STPG2: variants seen among roughly 807,000 people sequenced by gnomAD.
STPG2 encodes sperm tail PG-rich repeat containing 2.
Under a neutral mutation model 54.2 loss-of-function variants are expected in STPG2, and 56 were observed. The ratio of observed to expected loss-of-function variants is 1.03; its 90% CI spans 0.83 to 1.29. The LOEUF (loss-of-function observed/expected upper bound fraction) is 1.29. Among genes scored for constraint, STPG2 ranks in the 50% most tolerant of loss-of-function variants. The probability of loss-of-function intolerance (pLI) is 0.00; values close to 1 mark genes in which losing one functional copy is unlikely to be tolerated. For missense variants in STPG2, 596 were observed against 544.9 expected, an observed-to-expected ratio of 1.09 and a Z score of -0.93; for synonymous variants, 200 against 181.8, an observed-to-expected ratio of 1.10 and a Z score of -0.81.
intron 10 of STPG2, among the ~76,000 whole-genome samples, chr4:97,682,795 T>C (rs1723073404): frequency 6.6e-6 from 1 of 151,840 alleles, no homozygotes; most frequent in Non-Finnish European, 1.5e-5. Flanking sequence ...GATTTGAACA[T>C]GGGCATCATA....
intron 5 of STPG2, among the ~76,000 whole-genome samples, chr4:98,014,842 C>T (rs1314214371): frequency 6.6e-6 from 1 of 152,020 alleles, no homozygotes; most frequent in Non-Finnish European, 1.5e-5. Flanking sequence ...AATTATTTAC[C>T]TTTCCTTTAT....
intron 4 of STPG2, among the ~76,000 whole-genome samples, chr4:97,513,264 C>A (rs1234603747): frequency 6.6e-6 from 1 of 152,078 alleles, no homozygotes; most frequent in Non-Finnish European, 1.5e-5. Context: ...CTAGGCATGG[C>A]ACCCTCCAGG....
At chr4:97,803,313 C>T (rs992725094) in intron 9 of STPG2, among the ~76,000 whole-genome samples, 2 of 152,040 alleles carry the variant, frequency 1.3e-5, no homozygotes, top group Admixed American at 6.5e-5. Context: ...CCATGTATTT[C>T]AAAATGAGAA....
At chr4:97,737,545 C>T (rs1329584041) in intron 9 of STPG2, among the ~76,000 whole-genome samples, 8 of 152,002 alleles carry the variant, frequency 5.3e-5, no homozygotes, top group East Asian at 1.9e-4. Context: ...AGCCAAGGCT[C>T]GAGAACTACG....
At chr4:97,729,684 C>A (rs1578513179) in intron 9 of STPG2, among the ~76,000 whole-genome samples, 1 of 152,212 alleles carries the variant, frequency 6.6e-6, no homozygotes, top group South Asian at 2.1e-4. Context: ...CTGCATCCAA[C>A]ATCATAAACC....
chr4:97,809,502 A>G (rs1437213121), intron 9 of STPG2, among the ~76,000 whole-genome samples: 5 of 152,210 alleles, frequency 3.3e-5, no homozygotes, highest in African/African-American at 1.2e-4. Context: ...TGAACCCTTT[A>G]AAAGCAGAGA....
At chr4:97,800,053 C>A (rs534985785) in intron 9 of STPG2, among the ~76,000 whole-genome samples, 1 of 152,312 alleles carries the variant, frequency 6.6e-6, no homozygotes, top group East Asian at 1.9e-4. Flanking sequence ...AAGGACTTCT[C>A]TACACTGATT....
intron 9 of STPG2, 61 bp from the exon 10 acceptor site, chr4:97,712,875 C>A: frequency 8.3e-7 from 1 of 1,203,336 alleles, no homozygotes; most frequent in South Asian, 1.6e-5. Context: ...TGATTTTGGT[C>A]ATATGAATAT....
At chr4:97,641,509 G>GA (rs1409107807) in intron 10 of STPG2, among the ~76,000 whole-genome samples, 1 of 151,140 alleles carries the variant, frequency 6.6e-6, no homozygotes, top group Non-Finnish European at 1.5e-5. Flanking sequence ...TATTGTGTCT[G>GA]AAGCAGAACA....
intron 4 of STPG2, among the ~76,000 whole-genome samples, chr4:97,468,463 T>A (rs1039668488): frequency 3.3e-5 from 5 of 152,028 alleles, no homozygotes; most frequent in African/African-American, 2.4e-5. Flanking sequence ...TGACGTCACC[T>A]AAATGGGAGC....
At chr4:97,541,211 C>T (rs927758712) in intron 4 of STPG2, among the ~76,000 whole-genome samples, 2 of 152,000 alleles carry the variant, frequency 1.3e-5, no homozygotes, top group African/African-American at 4.8e-5. Context: ...GATTGTATAT[C>T]TAGAAAACCC....
At chr4:97,600,365 A>G (rs974698600) in intron 10 of STPG2, among the ~76,000 whole-genome samples, 5 of 152,208 alleles carry the variant, frequency 3.3e-5, no homozygotes, top group African/African-American at 1.2e-4. Context: ...GTCTAAAATA[A>G]AGTCCTTTCT....
chr4:98,091,884 T>A lies in STPG2; in HGVS notation c.612+14069A>T, dbSNP rs11097611. ...TATTGAGGCTTAGAATAGCAAAATATCACACACCTAGTATGTGATGGAGCA... is the reference window on the plus strand; with the variant it reads ...TATTGAGGCTTAGAATAGCAAAATAACACACACCTAGTATGTGATGGAGCA... On this transcript the variant is annotated intron_variant, in intron 5 of 10. Coordinates refer to ENST00000295268, the MANE Select transcript of STPG2 (RefSeq NM_174952.3). Among the ~76,000 whole-genome samples, 37 of 152,126 alleles carry A rather than the reference T, an allele frequency of 2.4e-4. No homozygotes were observed. The East Asian group carries it at 6.9e-3, about 29-fold the overall frequency.
At chr4:97,951,397 T>C (rs1043201649) in intron 7 of STPG2, among the ~76,000 whole-genome samples, 2 of 152,210 alleles carry the variant, frequency 1.3e-5, no homozygotes, top group Non-Finnish European at 2.9e-5. Context: ...GAACCTTGTT[T>C]TGTCATATTA....
At chr4:97,616,047 A>AAAATAC (rs1733853948) in intron 10 of STPG2, among the ~76,000 whole-genome samples, 1 of 61,764 alleles carries the variant, frequency 1.6e-5, no homozygotes, top group African/African-American at 6.7e-5. Flanking sequence ...AAAAAAAAAA[A>AAAATAC]ATACATATAA....
intron 9 of STPG2, among the ~76,000 whole-genome samples, chr4:97,826,482 T>C (rs1019413099): frequency 6.6e-6 from 1 of 152,138 alleles, no homozygotes; most frequent in Admixed American, 6.5e-5. Context: ...AACATAGAAA[T>C]AAAAGCACAA....
At chr4:97,469,236 T>C (rs966324250) in intron 4 of STPG2, among the ~76,000 whole-genome samples, 1 of 152,086 alleles carries the variant, frequency 6.6e-6, no homozygotes, top group African/African-American at 2.4e-5. Context: ...CCCAGTGACA[T>C]TTATAAATTT....
At chr4:97,828,324 G>A (rs1560543816) in intron 9 of STPG2, among the ~76,000 whole-genome samples, 1 of 152,118 alleles carries the variant, frequency 6.6e-6, no homozygotes. Context: ...AAGCCATGAG[G>A]GACTGTGCTG....
At chr4:98,016,770 G>A (rs1486554367) in intron 5 of STPG2, among the ~76,000 whole-genome samples, 1 of 152,072 alleles carries the variant, frequency 6.6e-6, no homozygotes, top group Non-Finnish European at 1.5e-5. Flanking sequence ...TTTCATTAGG[G>A]TTAGTTCCTG....
Sources: allele counts gnomAD v4.1 joint callset (sites outside exome capture counted in the v4.1 genomes callset), GRCh38; gene constraint gnomAD v4.1.1; transcripts MANE v1.5; gene names NCBI Gene and HGNC (gene_info 2026-07-23, HGNC 2026-07-21).